ACSS2: variants seen among roughly 807,000 people sequenced by gnomAD.
ACSS2 encodes acyl-CoA synthetase short chain family member 2.
Under a neutral mutation model 90.6 loss-of-function variants are expected in ACSS2, and 58 were observed. The observed-to-expected ratio is 0.64, with a 90% CI of 0.52 to 0.80. The LOEUF (loss-of-function observed/expected upper bound fraction) is 0.80, where lower values mean the gene tolerates loss of function less well. Among genes scored for constraint, ACSS2 ranks in the 30% least tolerant of loss-of-function variants. The pLI is 0.00. For missense variants in ACSS2, 759 were observed against 912.0 expected, an observed-to-expected ratio of 0.83 and a Z score of 2.16; for synonymous variants, 300 against 330.9, an observed-to-expected ratio of 0.91 and a Z score of 1.01.
At chr20:34,915,896 G>A (rs749257476) in intron 7 of ACSS2, among the ~76,000 whole-genome samples, 3 of 152,116 alleles carry the variant, frequency 2.0e-5, no homozygotes, top group East Asian at 1.9e-4. Flanking sequence ...CCAATTTTTA[G>A]CTGTATGACC....
chr20:34,920,435 CT>C (rs1413543745), intron 8 of ACSS2, 103 bp from the exon 9 acceptor site: 2 of 1,160,500 alleles, frequency 1.7e-6, no homozygotes, highest in Non-Finnish European at 2.4e-6. Context: ...GCTGGCAGGG[CT>C]GGAATCCCTG....
At chr20:34,891,289 C>T (rs945330292) in intron 2 of ACSS2, among the ~76,000 whole-genome samples, 2 of 152,170 alleles carry the variant, frequency 1.3e-5, no homozygotes, top group Non-Finnish European at 2.9e-5. Context: ...TCTTTGTGGG[C>T]ATGATGGGAA....
intron 1 of ACSS2, among the ~76,000 whole-genome samples, chr20:34,882,046 A>T (rs957907021): frequency 6.6e-6 from 1 of 152,184 alleles, no homozygotes; most frequent in African/African-American, 2.4e-5. Flanking sequence ...AGTTAGACAG[A>T]TGGTGAAAAA....
chr20:34,905,867 G>A (rs191780721), intron 2 of ACSS2, among the ~76,000 whole-genome samples: 287 of 152,194 alleles, frequency 1.9e-3, no homozygotes, highest in Non-Finnish European at 3.1e-3. Context: ...TTTACATTCC[G>A]TGCCTAGATC....
At chr20:34,908,021 C>G (rs575911956) in intron 2 of ACSS2, among the ~76,000 whole-genome samples, 13 of 152,348 alleles carry the variant, frequency 8.5e-5, no homozygotes, top group African/African-American at 3.1e-4. Context: ...AGCATCTATT[C>G]TTGGCTCTGC....
chr20:34,923,395 T>C lies in ACSS2; in HGVS notation c.1621T>C (p.Phe541Leu). ...CCACGAACGCTTTGAGACAACCTAC[T>C]TTAAGAAGTTTCCTGGATACTATGT... ...GNHERFETTY[F>L]KKFPGYYVTG... Residue 541 changes from phenylalanine to leucine, a missense_variant, in exon 14 of 18, where the codon TTT becomes CTT. Transcript: ENST00000360596. 1.9e-6 allele frequency: 3 copies of C among 1,614,184 alleles called. No individual in the cohort carries two copies. The highest frequency in any genetic ancestry group is 2.5e-6 in the Non-Finnish European group (3 of 1,180,016).
In ACSS2 at chr20:34,921,154, C is replaced by T. The variant is rs1600354992; in HGVS notation, c.1277+15C>T. ...CCTGTCACCAAGTGAGACCTCTTCCCAGTTGCTGCCCTGTGGGTATCCCTC... is the reference window on the plus strand; with the variant it reads ...CCTGTCACCAAGTGAGACCTCTTCCTAGTTGCTGCCCTGTGGGTATCCCTC... On this transcript the variant is annotated intron_variant, in intron 10 of 17. Coordinates refer to ENST00000360596, the MANE Select transcript of ACSS2 (RefSeq NM_018677.4). 1 of 1,614,148 alleles carries T rather than the reference C, an allele frequency of 6.2e-7. No individual in the cohort carries two copies. Among genetic ancestry groups the T allele is most frequent in the African/African-American group, 1.3e-5 (1 of 75,042 alleles).
At chr20:34,899,382 TTTTCTTTCTTTCTTTCTTTCCTTC>T (rs2080570701) in intron 2 of ACSS2, among the ~76,000 whole-genome samples, 1 of 142,550 alleles carries the variant, frequency 7.0e-6, no homozygotes, top group Non-Finnish European at 1.5e-5. Context: ...TATCACATTT[TTTTCTTTCTTTCTTTCTTTCCTTC>T]TTTCTTTCTT....
intron 2 of ACSS2, among the ~76,000 whole-genome samples, chr20:34,903,284 G>A (rs2080713848): frequency 6.7e-6 from 1 of 149,912 alleles, no homozygotes; most frequent in African/African-American, 2.5e-5. Context: ...AGAGGTTGCA[G>A]TAAGTCAAGA....
chr20:34,926,334 A>G (rs1262874156), intron 16 of ACSS2, 53 bp downstream of exon 16: 2 of 1,573,702 alleles, frequency 1.3e-6, no homozygotes, highest in Non-Finnish European at 1.7e-6. Context: ...AGGCCCAGTT[A>G]TCACTGCAAG....
chr20:34,881,485 A>T (rs2080071559), intron 1 of ACSS2, among the ~76,000 whole-genome samples: 1 of 152,166 alleles, frequency 6.6e-6, no homozygotes, highest in African/African-American at 2.4e-5. Context: ...CCCTTCAATG[A>T]ATTTTCATTG....
chr20:34,922,039 G>T (rs2081215538), intron 13 of ACSS2, 173 bp downstream of exon 13: 2 of 1,373,362 alleles, frequency 1.5e-6, no homozygotes, highest in Non-Finnish European at 1.9e-6. Flanking sequence ...TACTTTGCCT[G>T]CATCTCTTCC....
chr20:34,926,410 G>A (rs1386409211), intron 16 of ACSS2, 129 bp downstream of exon 16: 3 of 855,952 alleles, frequency 3.5e-6, no homozygotes, highest in Non-Finnish European at 5.4e-6. Flanking sequence ...GGCCCCATGG[G>A]CTGATTGCCC....
Position 34,921,388 on chromosome 20 carries a change from G to T in ACSS2, c.1336G>T (p.Ala446Ser). The T allele has an allele frequency of 1.2e-6, 2 of 1,614,206 alleles. No homozygotes were observed. The highest frequency in any genetic ancestry group is 4.5e-5 in the East Asian group (2 of 44,886). The change falls in exon 11 of 18, where the codon GCC becomes TCC. Residue 446 changes from alanine to serine, a missense_variant. Transcript: ENST00000360596. ...AGTGGGTGAACCCATCAACCCTGAG[G>T]CCTGGCTATGGTACCACCGGGTGGT... The part of the protein sequence containing the change: ...GTVGEPINPE[A>S]WLWYHRVVGA...
intron 5 of ACSS2, 78 bp from the exon 6 acceptor site, chr20:34,914,018 G>C: frequency 6.6e-7 from 1 of 1,526,452 alleles, no homozygotes; most frequent in Non-Finnish European, 9.1e-7. Flanking sequence ...GGCCTACTCA[G>C]GAAGGGCCCT....
chr20:34,876,940 TGA>T, intron 1 of ACSS2, 117 bp downstream of exon 1: 1 of 618,252 alleles, frequency 1.6e-6, no homozygotes, highest in Non-Finnish European at 2.3e-6. Flanking sequence ...GGAGGTTCTG[TGA>T]AGGAAGAATT....
rs1234331705 is a variant in ACSS2 at position 34,913,872 on chromosome 20, C to G, written c.643+47C>G. On this transcript the variant is annotated intron_variant, in intron 5 of 17. Coordinates refer to ENST00000360596, the MANE Select transcript of ACSS2 (RefSeq NM_018677.4). ...TCTCCAGAACCCCCCATACCTCAAG[C>G]CTTGGTCTCCAATCAGCTCATTGGT... is the stretch of plus-strand genomic sequence containing the variant. The G allele has an allele frequency of 5.7e-6, 9 of 1,575,726 alleles. No individual in the cohort carries two copies. The African/African-American group carries it at 8.1e-5, about 14-fold the overall frequency.
intron 15 of ACSS2, 21 bp from the exon 16 acceptor site, chr20:34,926,084 C>T (rs2081312768): frequency 1.2e-6 from 2 of 1,613,292 alleles, no homozygotes; most frequent in Non-Finnish European, 1.7e-6. Context: ...TCTCTCATGG[C>T]ACTTCCTTTC....
At position 34,882,953 on chromosome 20, in the gene ACSS2, A is replaced by G. The variant is rs370742820; in HGVS notation, c.338A>G (p.His113Arg). 9 of 1,607,542 alleles carry G rather than the reference A, an allele frequency of 5.6e-6. No homozygotes were observed. The African/African-American group carries it at 1.2e-4, about 22-fold the overall frequency. The change falls in exon 2 of 18, where the codon CAT becomes CGT. Residue 113 changes from histidine to arginine, a missense_variant. Coordinates refer to ENST00000360596, the MANE Select transcript of ACSS2 (RefSeq NM_018677.4). ...TACAATGTACTGGATCGAAATGTCC[A>G]TGAGAAAAAGCTTGGAGATAAAGTT... Reference protein sequence around the residue: ...ICYNVLDRNVHEKKLGDKVAF... With the variant: ...ICYNVLDRNVREKKLGDKVAF...
Sources: gnomAD v4.1 joint callset for allele counts (sites outside exome capture counted in the v4.1 genomes callset) on GRCh38, gnomAD v4.1.1 for gene constraint, MANE v1.5 for transcripts, NCBI Gene and HGNC (gene_info 2026-07-23, HGNC 2026-07-21) for gene names.